The following ADAMTS9 variants were observed in gnomAD, a reference collection of about 807,000 sequenced individuals.
ADAMTS9 encodes the protein ADAM metallopeptidase with thrombospondin type 1 motif 9.
Under a neutral mutation model 257.1 loss-of-function variants are expected in ADAMTS9, and 107 were observed. The ratio of observed to expected loss-of-function variants is 0.42; its 90% CI spans 0.36 to 0.49. The LOEUF (loss-of-function observed/expected upper bound fraction) is 0.49. ADAMTS9 is among the 20% of genes least tolerant of loss of function. ADAMTS9 has a pLI of 0.03. For synonymous variants in ADAMTS9, 982 were observed against 880.9 expected (o/e 1.11, Z -2.03); for missense variants, 2,353 against 2,469.1 (o/e 0.95, Z 1.00).
At chr3:64,680,525 G>C (rs529637397) in intron 3 of ADAMTS9, among the ~76,000 whole-genome samples, 1 of 152,080 alleles carries the variant, frequency 6.6e-6, no homozygotes, top group African/African-American at 2.4e-5. Context: ...AGCTTTCCAG[G>C]GTGCCCAGAA....
intron 2 of ADAMTS9, among the ~76,000 whole-genome samples, chr3:64,684,469 G>C (rs999380112): frequency 8.5e-5 from 13 of 152,136 alleles, no homozygotes; most frequent in African/African-American, 3.1e-4. Context: ...CCTAGGCGGA[G>C]AACTAGCAAC....
chr3:64,621,357 G>A lies in ADAMTS9; in HGVS notation c.2687-117C>T, dbSNP rs138507455. On this transcript the variant is annotated intron_variant, in intron 18 of 39. Coordinates refer to ENST00000498707, the MANE Select transcript of ADAMTS9 (RefSeq NM_182920.2). Reference sequence around the variant, plus strand: ...GCCAGACAGTAAATATCTTCAGAGCGTATGATCTCTGTTGCACTATTCAAC... The same window carrying A: ...GCCAGACAGTAAATATCTTCAGAGCATATGATCTCTGTTGCACTATTCAAC... The A allele has an allele frequency of 6.6e-5, 80 of 1,208,652 alleles. 1 individual carries two copies. The East Asian group carries it at 1.0e-3, about 15-fold the overall frequency. The allele number at this position is 1,208,652 out of a possible 1,614,324, so 74.9% of individuals were successfully genotyped here. A position where few individuals can be genotyped will look rare whatever the true frequency, so the allele number is the denominator to read the frequency against.
chr3:64,603,086 C>T (rs1473644403), intron 25 of ADAMTS9, among the ~76,000 whole-genome samples: 1 of 152,138 alleles, frequency 6.6e-6, no homozygotes, highest in African/African-American at 2.4e-5. Flanking sequence ...TTCTGCTAAG[C>T]ATTTGACGTA....
intron 28 of ADAMTS9, among the ~76,000 whole-genome samples, chr3:64,572,941 G>A (rs1209265538): frequency 6.6e-6 from 1 of 152,090 alleles, no homozygotes; most frequent in African/African-American, 2.4e-5. Context: ...AGCTGGGCAT[G>A]GTGGCATGCA....
rs753793134 is a variant in ADAMTS9, at chr3:64,568,396, G to A, written c.4496C>T (p.Pro1499Leu). 8.1e-6 allele frequency: 13 copies of A among 1,611,062 alleles called. No individual in the cohort carries two copies. Among genetic ancestry groups the A allele is most frequent in the Non-Finnish European group, 1.1e-5 (13 of 1,179,304 alleles). Residue 1499 changes from proline to leucine, a missense_variant, in exon 29 of 40, where the codon CCC becomes CTC. By Grantham distance (98) the Pro-to-Leu change is moderately conservative. Coordinates refer to ENST00000498707, the MANE Select transcript of ADAMTS9 (RefSeq NM_182920.2). ...ACTCCAAGCGCCAGCTTTCCATTTG[G>A]GGCATCTTCCTCCTCGGCACTTTCT... ...GHRKCRGGRCPKWKAGAWSQC... is the reference protein window; with the variant it reads ...GHRKCRGGRCLKWKAGAWSQC...
rs2084318181 is a variant in ADAMTS9 at position 64,594,261 on chromosome 3, G to A, written c.4353C>T (p.Ser1451=). The A allele has an allele frequency of 1.9e-6, 3 of 1,613,244 alleles. No individual in the cohort carries two copies. Among genetic ancestry groups the A allele is most frequent in the African/African-American group, 2.7e-5 (2 of 75,004 alleles). Residue 1451 remains serine (S), a synonymous_variant, in exon 28 of 40, where the codon AGC becomes AGT. Transcript: ENST00000498707. The stretch of plus-strand genomic sequence containing the variant: ...ACATGAATAGTTAGGGCCGTACCGA[G>A]CTCCAAGGGCCAGTACTCCATGCAG... ...HDAAWSTGPW[S]SCSVSCGRGH...
intron 22 of ADAMTS9, among the ~76,000 whole-genome samples, chr3:64,610,098 C>T (rs1038649107): frequency 2.0e-5 from 3 of 152,156 alleles, no homozygotes; most frequent in Non-Finnish European, 2.9e-5. Context: ...CTGCCTTATG[C>T]TATATACAAT....
intron 28 of ADAMTS9, among the ~76,000 whole-genome samples, chr3:64,584,435 A>C (rs896728571): frequency 6.6e-6 from 1 of 152,040 alleles, no homozygotes; most frequent in Non-Finnish European, 1.5e-5. Context: ...AAAAAGTAGG[A>C]AAGATTCTGT....
chr3:64,569,142 T>G (rs559363148), intron 28 of ADAMTS9: 3 of 152,534 alleles, frequency 2.0e-5, no homozygotes, highest in Non-Finnish European at 4.4e-5. Flanking sequence ...CTGGACTGTT[T>G]TAAATGTGAC....
chr3:64,638,945 A>G (rs1700568410), intron 12 of ADAMTS9, among the ~76,000 whole-genome samples: 1 of 152,118 alleles, frequency 6.6e-6, no homozygotes, highest in East Asian at 1.9e-4. Context: ...AGAGCTCTCC[A>G]TTATATTGTA....
chr3:64,547,948 A>G (rs1166242427), intron 31 of ADAMTS9, among the ~76,000 whole-genome samples: 1 of 152,192 alleles, frequency 6.6e-6, no homozygotes, highest in African/African-American at 2.4e-5. Context: ...GCATCAAATA[A>G]CTGGTCATCT....
At chr3:64,678,629 A>T (rs1701681230) in intron 3 of ADAMTS9, among the ~76,000 whole-genome samples, 1 of 152,114 alleles carries the variant, frequency 6.6e-6, no homozygotes, top group African/African-American at 2.4e-5. Flanking sequence ...GAACCACTGA[A>T]TCTGAGTGGA....
At chr3:64,678,460 A>C (rs140827337) in intron 3 of ADAMTS9, among the ~76,000 whole-genome samples, 2 of 152,184 alleles carry the variant, frequency 1.3e-5, no homozygotes, top group Non-Finnish European at 2.9e-5. Flanking sequence ...CACTATTAAA[A>C]CCACTGATTC....
intron 3 of ADAMTS9, among the ~76,000 whole-genome samples, chr3:64,666,054 T>C (rs1303755862): frequency 1.3e-5 from 2 of 152,128 alleles, no homozygotes; most frequent in African/African-American, 4.8e-5. Flanking sequence ...TCCAATCTTT[T>C]AAAAAAAGGA....
At chr3:64,571,287 A>G (rs2083678907) in intron 28 of ADAMTS9, among the ~76,000 whole-genome samples, 1 of 152,228 alleles carries the variant, frequency 6.6e-6, no homozygotes, top group African/African-American at 2.4e-5. Flanking sequence ...AGTAATAGAG[A>G]TAGGTACTAT....
intron 16 of ADAMTS9, among the ~76,000 whole-genome samples, chr3:64,626,324 T>C (rs1214486105): frequency 6.6e-6 from 1 of 152,178 alleles, no homozygotes. Flanking sequence ...TACAAACTAC[T>C]AAAATTTTCC....
Position 64,686,682 on chromosome 3 carries a change from C to T in ADAMTS9, c.402G>A (p.Val134=), listed in dbSNP as rs746369011. The T allele has an allele frequency of 1.2e-6, 2 of 1,614,184 alleles. No homozygotes were observed. The highest frequency in any genetic ancestry group is 3.3e-5 in the Admixed American group (2 of 60,030). ...FTVTLLGTPG[V]NQTKFYSEEE... is the part of the protein sequence containing the mutation. ...CTTCGGAATAAAACTTGGTCTGATT[C>T]ACCCCGGGCGTCCCGAGGAGGGTGA... is the stretch of plus-strand genomic sequence containing the variant. Residue 134 remains valine, a synonymous_variant, in exon 2 of 40, where the codon GTG becomes GTA. Coordinates refer to ENST00000498707, the MANE Select transcript of ADAMTS9 (RefSeq NM_182920.2). The surrounding 1 kb of genome is among the most constrained non-coding windows in gnomAD (Gnocchi z 4.6).
chr3:64,564,624 G>A (rs1162472242), intron 29 of ADAMTS9, among the ~76,000 whole-genome samples: 1 of 151,804 alleles, frequency 6.6e-6, no homozygotes, highest in Non-Finnish European at 1.5e-5. Flanking sequence ...TGTGTGGGGG[G>A]GGCGTTGTCG....
At chr3:64,685,945 G>T (rs1338588848) in intron 2 of ADAMTS9, among the ~76,000 whole-genome samples, 2 of 152,162 alleles carry the variant, frequency 1.3e-5, no homozygotes, top group African/African-American at 4.8e-5. Flanking sequence ...GGTAGGCTCC[G>T]CCTTCTCCCC....
Sources: gnomAD v4.1 joint callset for allele counts (sites outside exome capture counted in the v4.1 genomes callset) on GRCh38, gnomAD v4.1.1 for gene constraint, Gnocchi (gnomAD v3.1) non-coding constraint, MANE v1.5 for transcripts, NCBI Gene and HGNC (gene_info 2026-07-23, HGNC 2026-07-21) for gene names.